Variants in TRMT1L observed in about 807,000 individuals in gnomAD.
TRMT1L encodes the protein tRNA (guanine(27)-N(2))-dimethyltransferase.
In TRMT1L, 28 loss-of-function variants were observed where a neutral mutation model predicts 81.6. The observed-to-expected ratio is 0.34, with a 90% CI of 0.25 to 0.47. TRMT1L has a LOEUF of 0.47. Ranked by LOEUF, TRMT1L falls within the 20% of genes least tolerant of loss-of-function variation. The pLI is 1.00. For synonymous variants in TRMT1L, 301 were observed against 303.2 expected (o/e 0.99, Z 0.07); for missense variants, 739 against 877.1 (o/e 0.84, Z 1.99).
chr1:185,157,023 A>G (rs1653633941), upstream of TRMT1L: 1 of 359,980 alleles, frequency 2.8e-6, no homozygotes, highest in Non-Finnish European at 5.1e-6. Context: ...TTCGGTTTCT[A>G]CGGTGCGTCT....
At chr1:185,149,992 G>C (rs1216502883) in intron 3 of TRMT1L, among the ~76,000 whole-genome samples, 1 of 152,026 alleles carries the variant, frequency 6.6e-6, no homozygotes, top group Non-Finnish European at 1.5e-5. Context: ...TCAGCAGAAA[G>C]AGATATTATC....
chr1:185,147,437 GTA>G (rs1653219976), intron 3 of TRMT1L, among the ~76,000 whole-genome samples, 191 bp from the exon 4 acceptor site: 1 of 152,094 alleles, frequency 6.6e-6, no homozygotes, highest in African/African-American at 2.4e-5. Flanking sequence ...ATATACATAT[GTA>G]TATGTTATCT....
chr1:185,149,302 CTCTT>C (rs1653275568), intron 3 of TRMT1L, among the ~76,000 whole-genome samples: 1 of 147,638 alleles, frequency 6.8e-6, no homozygotes, highest in South Asian at 2.1e-4. Flanking sequence ...CTTTTACTTC[CTCTT>C]TTTTTTTTTT....
intron 11 of TRMT1L, among the ~76,000 whole-genome samples, chr1:185,127,641 C>T (rs1652662863): frequency 6.6e-6 from 1 of 151,568 alleles, no homozygotes; most frequent in Non-Finnish European, 1.5e-5. Flanking sequence ...TGCCTGTAAT[C>T]CTGGCTACTC....
At chr1:185,131,008 TA>T (rs765323907) in intron 10 of TRMT1L, among the ~76,000 whole-genome samples, 187 of 152,264 alleles carry the variant, frequency 1.2e-3, no homozygotes, top group Non-Finnish European at 2.2e-3. Context: ...TTTTTATTTT[TA>T]TTTTTTTTTT....
chr1:185,148,577 A>G (rs1237782799), intron 3 of TRMT1L, among the ~76,000 whole-genome samples: 2 of 152,216 alleles, frequency 1.3e-5, no homozygotes, highest in Non-Finnish European at 2.9e-5. Flanking sequence ...CCTAATGTAC[A>G]TGAGAGAACC....
Position 185,136,075 on chromosome 1 carries a change from A to G in TRMT1L, c.1513+1531T>C, listed in dbSNP as rs575807201. Among the ~76,000 whole-genome samples, 5 of 152,302 alleles carry G rather than the reference A, an allele frequency of 3.3e-5. 1 individual carries two copies. The highest frequency in any genetic ancestry group is 1.2e-4 in the African/African-American group (5 of 41,562). On this transcript the variant is annotated intron_variant, in intron 10 of 14. Transcript: ENST00000367506. ...GTATTCTTCCTTAATGTGATAAATG[A>G]TATGTATTGTAGATGAAAAGCCAGT...
chr1:185,128,644 T>C, intron 11 of TRMT1L, 25 bp downstream of exon 11: 1 of 1,602,136 alleles, frequency 6.2e-7, no homozygotes, highest in Non-Finnish European at 8.5e-7. Context: ...CAAATTTTAA[T>C]ATGTTCTTAT....
intron 12 of TRMT1L, among the ~76,000 whole-genome samples, chr1:185,124,409 A>C (rs1278025706): frequency 6.6e-6 from 1 of 152,020 alleles, no homozygotes; most frequent in African/African-American, 2.4e-5. Flanking sequence ...TCTTTAAAAA[A>C]AAATTATCAG....
chr1:185,145,406 A>G (rs373985918), intron 5 of TRMT1L, 33 bp downstream of exon 5: 5 of 1,582,250 alleles, frequency 3.2e-6, no homozygotes, highest in Non-Finnish European at 3.5e-6. Context: ...AAGGATTTAC[A>G]TATTAATATG....
At chr1:185,147,354 TA>T (rs1266772580) in intron 3 of TRMT1L, 108 bp from the exon 4 acceptor site, 1 of 761,402 alleles carries the variant, frequency 1.3e-6, no homozygotes. Flanking sequence ...CTTACATTTG[TA>T]ATGTCATAAT....
chr1:185,152,889 A>G (rs1653402363), intron 1 of TRMT1L, among the ~76,000 whole-genome samples: 3 of 152,230 alleles, frequency 2.0e-5, no homozygotes, highest in South Asian at 2.1e-4. Context: ...GCAATAATGT[A>G]TAATAGGCAG....
At chr1:185,123,607 C>T (rs1304440860) in intron 13 of TRMT1L, among the ~76,000 whole-genome samples, 2 of 151,902 alleles carry the variant, frequency 1.3e-5, no homozygotes, top group Non-Finnish European at 2.9e-5. Flanking sequence ...TTATTTTATT[C>T]ACATGGTTCA....
chr1:185,135,920 T>C (rs1652889463), intron 10 of TRMT1L, among the ~76,000 whole-genome samples: 1 of 152,166 alleles, frequency 6.6e-6, no homozygotes, highest in Non-Finnish European at 1.5e-5. Context: ...TTTGGTTCTA[T>C]ATTGGAAACT....
At chr1:185,147,270 T>C in intron 3 of TRMT1L, 24 bp from the exon 4 acceptor site, 1 of 1,556,230 alleles carries the variant, frequency 6.4e-7, no homozygotes, top group Non-Finnish European at 8.8e-7. Context: ...TGGCTGGTTA[T>C]CATACATTGT....
At chr1:185,156,119 T>TA (rs1164173210) in intron 1 of TRMT1L, among the ~76,000 whole-genome samples, 2 of 152,214 alleles carry the variant, frequency 1.3e-5, no homozygotes, top group East Asian at 1.9e-4. Flanking sequence ...TGAAAGAACT[T>TA]AGTTAACCAT....
intron 13 of TRMT1L, among the ~76,000 whole-genome samples, chr1:185,123,280 C>G (rs1652543316): frequency 6.6e-6 from 1 of 152,114 alleles, no homozygotes; most frequent in Non-Finnish European, 1.5e-5. Flanking sequence ...TTCATCTGTA[C>G]TCAAAAAACA....
At chr1:185,154,699 C>T (rs1436837896) in intron 1 of TRMT1L, among the ~76,000 whole-genome samples, 1 of 152,130 alleles carries the variant, frequency 6.6e-6, no homozygotes, top group Non-Finnish European at 1.5e-5. Context: ...ACTAAAAATC[C>T]TGTGGTCTAC....
At chr1:185,142,651 C>CAAAAAAA (rs71695141) in intron 7 of TRMT1L, among the ~76,000 whole-genome samples, 1 of 90,818 alleles carries the variant, frequency 1.1e-5, no homozygotes, top group African/African-American at 3.7e-5. Flanking sequence ...AGTATTATTG[C>CAAAAAAA]AAAAAAAAAA....
Sources: gnomAD v4.1 joint callset for allele counts (sites outside exome capture counted in the v4.1 genomes callset) on GRCh38, gnomAD v4.1.1 for gene constraint, MANE v1.5 for transcripts, NCBI Gene and HGNC (gene_info 2026-07-23, HGNC 2026-07-21) for gene names.